The following RUFY1 variants were observed in gnomAD, a reference collection of about 807,000 sequenced individuals.
The protein encoded by RUFY1 is RUN and FYVE domain-containing protein 1.
In RUFY1, 54 loss-of-function variants were observed where a neutral mutation model predicts 94.6. That is an observed-to-expected ratio of 0.57 (90% CI 0.46 to 0.72). The LOEUF is 0.72. RUFY1 is among the 30% of genes least tolerant of loss of function. The probability of loss-of-function intolerance (pLI) is 0.00; values close to 1 mark genes in which losing one functional copy is unlikely to be tolerated. For synonymous variants in RUFY1, 396 were observed against 347.3 expected (o/e 1.14, Z -1.56); for missense variants, 883 against 883.9 (o/e 1.00, Z 0.01).
chr5:179,555,621 CTTTTTTTTTT>C (rs10556244), intron 1 of RUFY1: 44 of 249,586 alleles, frequency 1.8e-4, no homozygotes, highest in East Asian at 4.9e-4. Context: ...AAACTCCCAA[CTTTTTTTTTT>C]TTTTTTTTTT....
chr5:179,556,965 CTT>C (rs1313202489), intron 1 of RUFY1, among the ~76,000 whole-genome samples: 4 of 152,166 alleles, frequency 2.6e-5, no homozygotes, highest in Non-Finnish European at 5.9e-5. Flanking sequence ...TCTTTGAACT[CTT>C]TCCAAGTTAT....
chr5:179,603,662 A>C (rs971691077), intron 15 of RUFY1: 39 of 152,426 alleles, frequency 2.6e-4, no homozygotes, highest in African/African-American at 8.2e-4. Context: ...GTTTGCAGCC[A>C]GTGTTTTCCT....
At chr5:179,576,952 C>A in intron 5 of RUFY1, 123 bp from the exon 6 acceptor site, 3 of 690,004 alleles carry the variant, frequency 4.3e-6, no homozygotes, top group Admixed American at 2.5e-5. Flanking sequence ...CTTCATAGAG[C>A]TGGCTGACCT....
chr5:179,574,256 G>A (rs1448313727), intron 5 of RUFY1, among the ~76,000 whole-genome samples: 11 of 152,116 alleles, frequency 7.2e-5, no homozygotes, highest in South Asian at 2.1e-4. Context: ...TTAGCTGGGC[G>A]TGGTGGCGTG....
At chr5:179,553,290 T>C (rs1761944316) in intron 1 of RUFY1, among the ~76,000 whole-genome samples, 1 of 152,122 alleles carries the variant, frequency 6.6e-6, no homozygotes, top group African/African-American at 2.4e-5. Flanking sequence ...TGCAGGGAAG[T>C]TGCAATCCAT....
intron 4 of RUFY1, among the ~76,000 whole-genome samples, chr5:179,568,393 A>C (rs891838054): frequency 6.6e-6 from 1 of 152,254 alleles, no homozygotes; most frequent in African/African-American, 2.4e-5. Context: ...TTCCAGAGTT[A>C]AAGCTTTCTT....
At chr5:179,567,362 A>T (rs1410604671) in intron 3 of RUFY1, 99 bp from the exon 4 acceptor site, 2 of 842,288 alleles carry the variant, frequency 2.4e-6, no homozygotes, top group Non-Finnish European at 4.0e-6. Flanking sequence ...CTGCATTTAC[A>T]AGGGTGTGTT....
rs1371855895 is a variant in RUFY1, at chr5:179,550,719, G to A, written c.150G>A (p.Leu50=). The part of the protein sequence containing the change: ...DRSQLPGPGD[L]RSATRPRAAE... The stretch of plus-strand genomic sequence containing the variant: ...GCCAGCTGCCCGGCCCAGGCGACCT[G>A]CGGAGCGCAACGAGGCCGCGGGCGG... The change falls in exon 1 of 18, where the codon CTG becomes CTA. Residue 50 remains leucine, a synonymous_variant. Coordinates refer to ENST00000319449, the MANE Select transcript of RUFY1 (RefSeq NM_025158.5). The A allele has an allele frequency of 5.4e-6, 8 of 1,485,888 alleles. No homozygotes were observed. Among genetic ancestry groups the A allele is most frequent in the Middle Eastern group, 1.8e-4 (1 of 5,406 alleles). The allele number at this position is 1,485,888 out of a possible 1,614,324, so 92.0% of individuals were successfully genotyped here.
In RUFY1 at chr5:179,574,887, T is replaced by G. The variant is rs57418901; in HGVS notation, c.829-2188T>G. ...ATTTTTGCTTTGGGTATTAATTCTTTCTCATCTTTCTGTTGCTTTTTCCTG... is the reference window on the plus strand; with the variant it reads ...ATTTTTGCTTTGGGTATTAATTCTTGCTCATCTTTCTGTTGCTTTTTCCTG... On this transcript the variant is annotated intron_variant, in intron 5 of 17. Transcript: ENST00000319449. Among the ~76,000 whole-genome samples, 1,380 of 152,256 alleles carry G rather than the reference T, an allele frequency of 9.1e-3. 22 individuals carry two copies. The highest frequency in any genetic ancestry group is 0.03 in the African/African-American group (1,231 of 41,550).
intron 16 of RUFY1, 182 bp downstream of exon 16, chr5:179,606,106 A>G (rs1767057508): frequency 5.0e-6 from 3 of 599,554 alleles, no homozygotes; most frequent in Non-Finnish European, 8.8e-6. Flanking sequence ...CGATGCTGAC[A>G]GGTGGCCGAA....
At chr5:179,597,596 T>C (rs1331954569) in intron 13 of RUFY1, among the ~76,000 whole-genome samples, 4 of 152,176 alleles carry the variant, frequency 2.6e-5, no homozygotes, top group Non-Finnish European at 4.4e-5. Flanking sequence ...GGTCTCAATC[T>C]TCTGGCCTCA....
intron 8 of RUFY1, chr5:179,586,312 T>C (rs1281873982): frequency 2.2e-6 from 1 of 458,108 alleles, no homozygotes; most frequent in Non-Finnish European, 4.4e-6. Context: ...AGTGCGGTCT[T>C]TCTCTGCTTT....
At chr5:179,586,966 T>C (rs1487664197) in intron 8 of RUFY1, among the ~76,000 whole-genome samples, 2 of 152,222 alleles carry the variant, frequency 1.3e-5, no homozygotes, top group Non-Finnish European at 2.9e-5. Context: ...TGTTTGATTT[T>C]AGAACAAGCA....
chr5:179,593,807 G>C (rs1562071033), intron 11 of RUFY1, among the ~76,000 whole-genome samples, 162 bp downstream of exon 11: 1 of 152,170 alleles, frequency 6.6e-6, no homozygotes, highest in Non-Finnish European at 1.5e-5. Flanking sequence ...GGCAGTCCCT[G>C]AGAAATGGGG....
intron 11 of RUFY1, 24 bp from the exon 12 acceptor site, chr5:179,594,842 T>G (rs757882612): frequency 9.9e-6 from 15 of 1,520,130 alleles, no homozygotes; most frequent in Non-Finnish European, 1.3e-5. Context: ...AGGCAGAGTA[T>G]GAACCCTTCC....
chr5:179,567,762 G>T (rs1350433425), intron 4 of RUFY1, among the ~76,000 whole-genome samples, 200 bp downstream of exon 4: 2 of 152,180 alleles, frequency 1.3e-5, no homozygotes, highest in African/African-American at 2.4e-5. Flanking sequence ...AAATTAGCCA[G>T]GTGTGGTGGC....
At position 179,589,555 on chromosome 5, in the gene RUFY1, G is replaced by T. The variant is rs759321036; in HGVS notation, c.1036G>T (p.Ala346Ser). Reference sequence around the variant, plus strand: ...AATTTTCCTTAATCAGCTTTCAGCTGCAACAGACCGAATTTGCTCACTTCA... The same window carrying T: ...AATTTTCCTTAATCAGCTTTCAGCTTCAACAGACCGAATTTGCTCACTTCA... ...NSKLQEELSA[A>S]TDRICSLQEE... The change falls in exon 9 of 18, where the codon GCA becomes TCA. Residue 346 changes from alanine (A) to serine (S), a missense_variant. By Grantham distance (99) the Ala-to-Ser change is moderately conservative (BLOSUM62 1). Transcript: ENST00000319449. The T allele has an allele frequency of 3.8e-5, 62 of 1,613,482 alleles. No homozygotes were observed. Among genetic ancestry groups the T allele is most frequent in the Non-Finnish European group, 5.1e-5 (60 of 1,179,444 alleles).
chr5:179,608,649 C>T (rs1354458677), intron 17 of RUFY1: 39 of 985,028 alleles, frequency 4.0e-5, no homozygotes, highest in Non-Finnish European at 4.5e-5. Context: ...ACCCTTAGGC[C>T]GGGCACGGTG....
At position 179,550,610 on chromosome 5, in the gene RUFY1, G is replaced by GGGAGCT. The variant is rs758037092; in HGVS notation, c.47_52dup (p.Leu16_Glu17dup). On this transcript the variant is annotated inframe_insertion, in exon 1 of 18. Coordinates refer to ENST00000319449, the MANE Select transcript of RUFY1 (RefSeq NM_025158.5). ...GGCGGCTGCGCTGCTGGGCGGGGGC[G>GGGAGCT]GGAGCTGGAGCCGGAGCTGGAGCCG... 111 of 1,317,198 alleles carry GGGAGCT rather than the reference G, an allele frequency of 8.4e-5. No homozygotes were observed. The highest frequency in any genetic ancestry group is 1.0e-4 in the Non-Finnish European group (106 of 1,041,812). 81.6% of individuals were successfully genotyped at this position (1,317,198 alleles called of 1,614,324 possible).
Sources: allele counts gnomAD v4.1 joint callset (sites outside exome capture counted in the v4.1 genomes callset), GRCh38; gene constraint gnomAD v4.1.1; transcripts MANE v1.5; gene names NCBI Gene and HGNC (gene_info 2026-07-23, HGNC 2026-07-21).